FBXO36: variants seen among roughly 807,000 people sequenced by gnomAD.
The protein encoded by FBXO36 is F-box only protein 36.
A neutral mutation model predicts 17.0 loss-of-function variants in FBXO36; 18 were observed. That is an observed-to-expected ratio of 1.06 (90% confidence interval 0.73 to 1.57). The LOEUF (loss-of-function observed/expected upper bound fraction) is 1.57, where lower values mean the gene tolerates loss of function less well. Among genes scored for constraint, FBXO36 ranks in the 40% most tolerant of loss-of-function variants. FBXO36 has a pLI of 0.00. For missense variants in FBXO36, 229 were observed against 221.9 expected, an observed-to-expected ratio of 1.03 and a Z score of -0.20; for synonymous variants, 83 against 85.3, an observed-to-expected ratio of 0.97 and a Z score of 0.15.
chr2:229,939,200 T>C, intron 1 of FBXO36: 1 of 979,004 alleles, frequency 1.0e-6, no homozygotes, highest in Non-Finnish European at 1.2e-6. Flanking sequence ...ATTACAGGCA[T>C]GAGCCACCGC....
intron 1 of FBXO36, among the ~76,000 whole-genome samples, chr2:229,958,933 C>T (rs2077106360): frequency 6.6e-6 from 1 of 152,194 alleles, no homozygotes; most frequent in African/African-American, 2.4e-5. Context: ...CTCTTTGACA[C>T]TGAAGAAACA....
chr2:229,943,600 A>C (rs2077011404), intron 1 of FBXO36, among the ~76,000 whole-genome samples: 1 of 151,998 alleles, frequency 6.6e-6, no homozygotes, highest in Non-Finnish European at 1.5e-5. Flanking sequence ...AGCCTCAAAA[A>C]GCACATGATT....
chr2:229,996,101 C>T (rs1157928052), intron 2 of FBXO36, among the ~76,000 whole-genome samples: 1 of 151,306 alleles, frequency 6.6e-6, no homozygotes, highest in African/African-American at 2.4e-5. Context: ...CATAATAAGA[C>T]TCCATCTCTA....
chr2:229,992,650 A>G (rs1194459918), intron 2 of FBXO36, among the ~76,000 whole-genome samples: 2 of 152,232 alleles, frequency 1.3e-5, no homozygotes, highest in Non-Finnish European at 2.9e-5. Context: ...GCAGGTACCC[A>G]AGTCTTTATC....
At chr2:229,993,905 A>G (rs946858939) in intron 2 of FBXO36, among the ~76,000 whole-genome samples, 1 of 149,620 alleles carries the variant, frequency 6.7e-6, no homozygotes, top group Non-Finnish European at 1.5e-5. Context: ...ACAGGCGCCC[A>G]CCACCACGCC....
At chr2:229,925,297 T>G (rs1353258871) in intron 1 of FBXO36, among the ~76,000 whole-genome samples, 1 of 152,118 alleles carries the variant, frequency 6.6e-6, no homozygotes. Context: ...CTTTTTAAAG[T>G]AAAATTTGTT....
chr2:229,966,458 C>T (rs573870742), intron 1 of FBXO36, among the ~76,000 whole-genome samples: 53 of 152,260 alleles, frequency 3.5e-4, no homozygotes, highest in Admixed American at 2.0e-4. Flanking sequence ...CTTGCCCATG[C>T]CTATGTCCTG....
intron 1 of FBXO36, among the ~76,000 whole-genome samples, chr2:229,933,057 C>T (rs947605676): frequency 1.3e-5 from 2 of 152,020 alleles, no homozygotes; most frequent in Non-Finnish European, 2.9e-5. Context: ...GGCAACAGAG[C>T]GAGATTCCGT....
intron 1 of FBXO36, among the ~76,000 whole-genome samples, chr2:229,936,058 G>T (rs992177513): frequency 6.6e-6 from 1 of 152,058 alleles, no homozygotes; most frequent in African/African-American, 2.4e-5. Flanking sequence ...TGTGGTGGTG[G>T]ACGCTTGTAA....
chr2:230,008,808 C>G (rs926630512), intron 3 of FBXO36, among the ~76,000 whole-genome samples: 1 of 152,100 alleles, frequency 6.6e-6, no homozygotes, highest in Admixed American at 6.6e-5. Context: ...AGGTTGTAAT[C>G]TGAGTAGAGG....
rs987382559 is a variant in FBXO36 at position 230,010,808 on chromosome 2, C to T, written c.491C>T (p.Thr164Ile). ...EDTGWRQLFF[T>I]NKLQLQRQLR... Reference sequence around the variant, plus strand: ...ACAGGCTGGAGACAGCTGTTCTTCACCAACAAGCTCCAGCTCCAGCGGCAG... The same window carrying T: ...ACAGGCTGGAGACAGCTGTTCTTCATCAACAAGCTCCAGCTCCAGCGGCAG... The change falls in exon 4 of 4, where the codon ACC (threonine) becomes ATC (isoleucine). Residue 164 changes from threonine to isoleucine, a missense_variant. Coordinates refer to ENST00000283946, the MANE Select transcript of FBXO36 (RefSeq NM_174899.5). The T allele has an allele frequency of 2.5e-6, 4 of 1,613,790 alleles. No individual in the cohort carries two copies. The South Asian group carries it at 3.3e-5, about 13-fold the overall frequency.
rs549905170 is a variant in FBXO36, at chr2:229,950,263, T to C, written c.97-25978T>C. The stretch of plus-strand genomic sequence containing the variant: ...CAGCATGGTGAAACCCCATCTCTAC[T>C]AAAAATACAAAAATTAGCTGGGCAT... On this transcript the variant is annotated intron_variant, in intron 1 of 3. Transcript: ENST00000283946. Among the ~76,000 whole-genome samples, 5 of 151,862 alleles carry C rather than the reference T, an allele frequency of 3.3e-5. No individual in the cohort carries two copies. In the South Asian group the frequency reaches 1.0e-3, roughly 32 times the overall value.
At chr2:229,975,382 A>C (rs780214241) in intron 1 of FBXO36, among the ~76,000 whole-genome samples, 9 of 152,140 alleles carry the variant, frequency 5.9e-5, no homozygotes, top group Admixed American at 1.3e-4. Context: ...TTAGCTCCCC[A>C]AATTATGGAA....
chr2:230,004,574 T>C (rs963848859), intron 3 of FBXO36, among the ~76,000 whole-genome samples: 9 of 152,214 alleles, frequency 5.9e-5, no homozygotes, highest in Non-Finnish European at 1.3e-4. Flanking sequence ...ATTCTACACA[T>C]GTAGAACCAT....
intron 1 of FBXO36, among the ~76,000 whole-genome samples, chr2:229,940,236 T>A (rs931040799): frequency 3.9e-5 from 6 of 152,228 alleles, no homozygotes; most frequent in Non-Finnish European, 5.9e-5. Context: ...TAATTATTCC[T>A]AAATATGACT....
chr2:230,011,100 G>A lies in FBXO36; in HGVS notation c.*216G>A, dbSNP rs2077413555. 1 of 504,184 alleles carries A rather than the reference G, an allele frequency of 2.0e-6. No individual in the cohort carries two copies. Among genetic ancestry groups the A allele is most frequent in the East Asian group, 3.4e-5 (1 of 29,844 alleles). The allele number at this position is 504,184 out of a possible 1,614,324, so 31.2% of individuals were successfully genotyped here. A position where few individuals can be genotyped will look rare whatever the true frequency, so the allele number is the denominator to read the frequency against. ...ATTCTGAGGTCAAATCATGGCCCGA[G>A]GACAAGGGCTGTAAGACAGGGAGCC... On this transcript the variant is annotated 3_prime_UTR_variant, in exon 4 of 4. Transcript: ENST00000283946.
chr2:230,009,030 T>G (rs2077401395), intron 3 of FBXO36, among the ~76,000 whole-genome samples: 1 of 152,224 alleles, frequency 6.6e-6, no homozygotes, highest in Non-Finnish European at 1.5e-5. Context: ...TATTTGTAAT[T>G]CATTCTCTTC....
chr2:229,967,296 C>A (rs990338351), intron 1 of FBXO36, among the ~76,000 whole-genome samples: 11 of 152,278 alleles, frequency 7.2e-5, no homozygotes, highest in Non-Finnish European at 1.0e-4. Context: ...ATGGGGTTTT[C>A]TAGATATACA....
chr2:229,997,690 G>A (rs1344580114), intron 3 of FBXO36, among the ~76,000 whole-genome samples: 1 of 152,088 alleles, frequency 6.6e-6, no homozygotes, highest in Non-Finnish European at 1.5e-5. Context: ...CAATATGTGT[G>A]TTTCAGTGGG....
Sources: allele counts gnomAD v4.1 joint callset (sites outside exome capture counted in the v4.1 genomes callset), GRCh38; gene constraint gnomAD v4.1.1; transcripts MANE v1.5; gene names NCBI Gene and HGNC (gene_info 2026-07-23, HGNC 2026-07-21).